CR1: variants seen among roughly 807,000 people sequenced by gnomAD.
The protein encoded by CR1 is complement receptor type 1.
A neutral mutation model predicts 187.3 loss-of-function variants in CR1; 116 were observed. The observed-to-expected ratio is 0.62, with a 90% CI of 0.53 to 0.72. The LOEUF (loss-of-function observed/expected upper bound fraction) is 0.72. Ranked by LOEUF, CR1 falls within the 30% of genes least tolerant of loss-of-function variation. The pLI, the probability that CR1 is intolerant of heterozygous loss-of-function variation, is 0.00. For synonymous variants in CR1, 576 were observed against 747.1 expected (o/e 0.77, Z 3.73); for missense variants, 1,731 against 2,110.7 (o/e 0.82, Z 3.52).
chr1:207,501,275 C>G (rs1423633229), intron 1 of CR1, among the ~76,000 whole-genome samples: 1 of 152,140 alleles, frequency 6.6e-6, no homozygotes, highest in Non-Finnish European at 1.5e-5. Context: ...TGAGGGAACT[C>G]TGTGTGGGTG....
rs755390826 is a variant in CR1, at chr1:207,580,491, T to C, written c.5114-20T>C. Reference sequence around the variant, plus strand: ...AGGTCTTACTCCTATTTTTTCTTTTTTTTTTTTTTCTTCTTCTAGTGAAAT... The same window carrying C: ...AGGTCTTACTCCTATTTTTTCTTTTCTTTTTTTTTCTTCTTCTAGTGAAAT... On this transcript the variant is annotated intron_variant, in intron 30 of 46. Coordinates refer to ENST00000367049, the MANE Select transcript of CR1 (RefSeq NM_000651.6). 1.9e-5 allele frequency: 31 copies of C among 1,590,632 alleles called. No homozygotes were observed. The highest frequency in any genetic ancestry group is 2.3e-5 in the South Asian group (2 of 85,482).
chr1:207,567,508 A>G (rs1452243608), intron 24 of CR1, among the ~76,000 whole-genome samples: 1 of 150,448 alleles, frequency 6.6e-6, no homozygotes, highest in Non-Finnish European at 1.5e-5. Flanking sequence ...CAATTAATAT[A>G]TATTGACTAA....
At chr1:207,511,492 A>G in intron 3 of CR1, 77 bp from the exon 4 acceptor site, 3 of 1,419,060 alleles carry the variant, frequency 2.1e-6, no homozygotes. Context: ...TAAGAGTGTA[A>G]TCTCTGGAAG....
At chr1:207,499,366 A>G (rs1411348117) in intron 1 of CR1, among the ~76,000 whole-genome samples, 3 of 152,246 alleles carry the variant, frequency 2.0e-5, no homozygotes, top group Admixed American at 6.5e-5. Context: ...GGCAAAACCC[A>G]TAGAACTGCA....
intron 2 of CR1, 143 bp downstream of exon 2, chr1:207,506,226 A>G (rs1659428350): frequency 2.0e-6 from 2 of 986,400 alleles, no homozygotes; most frequent in Admixed American, 5.8e-5. Context: ...CTTGTAGATC[A>G]TACCTTGTTA....
intron 46 of CR1, among the ~76,000 whole-genome samples, chr1:207,632,761 GTACT>G (rs2102416759): frequency 7.7e-6 from 1 of 130,482 alleles, no homozygotes; most frequent in African/African-American, 3.1e-5. Flanking sequence ...TCGCGCCACT[GTACT>G]CCAGCCTGGG....
At chr1:207,620,973 G>T (rs2102402831) in intron 43 of CR1, among the ~76,000 whole-genome samples, 1 of 152,192 alleles carries the variant, frequency 6.6e-6, no homozygotes, top group South Asian at 2.1e-4. Context: ...GAACAAAATT[G>T]ATATTAATAA....
chr1:207,610,826 G>A (rs1571592270), intron 37 of CR1, among the ~76,000 whole-genome samples: 1 of 151,946 alleles, frequency 6.6e-6, no homozygotes. Context: ...TACATAGTAG[G>A]TGTATATATT....
Position 207,592,475 on chromosome 1 carries a change from C to T in CR1, c.5810+3701C>T, listed in dbSNP as rs1661299766. ...TAATAGGAGCTATTTATAACAAACC[C>T]ACCACTAATATCATACTGAATGGGC... On this transcript the variant is annotated intron_variant, in intron 35 of 46. Coordinates refer to ENST00000367049, the MANE Select transcript of CR1 (RefSeq NM_000651.6). Among the ~76,000 whole-genome samples, 2 of 152,094 alleles carry T rather than the reference C, an allele frequency of 1.3e-5. 1 individual carries two copies. The highest frequency in any genetic ancestry group is 4.1e-4 in the South Asian group (2 of 4,820).
In CR1 at chr1:207,587,460, G is replaced by A. The variant is rs191896925; in HGVS notation, c.5605G>A (p.Gly1869Arg). The change falls in exon 34 of 47, where the codon GGG (glycine) becomes AGG (arginine). Residue 1869 changes from glycine to arginine, a missense_variant. Gly to Arg is a moderately radical substitution (Grantham distance 125, BLOSUM62 -2). Coordinates refer to ENST00000367049, the MANE Select transcript of CR1 (RefSeq NM_000651.6). ...AATTAATGACTTTGAGTTTCCAGTC[G>A]GGACATCTTTGAATTATGAATGCCG... is the stretch of plus-strand genomic sequence containing the variant. ...IPINDFEFPV[G>R]TSLNYECRPG... 414 of 1,613,874 alleles carry A rather than the reference G, an allele frequency of 2.6e-4. 2 individuals are homozygous for A. In the African/African-American group the frequency reaches 4.9e-3, roughly 19 times the overall value.
intron 23 of CR1, among the ~76,000 whole-genome samples, chr1:207,564,458 C>A (rs138099366): frequency 0.016 from 2,368 of 149,868 alleles, 218 homozygotes; most frequent in African/African-American, 0.058. Flanking sequence ...CTGGCAAGTT[C>A]AAAGGCAAGT....
At chr1:207,598,208 A>C (rs1285326499) in intron 35 of CR1, among the ~76,000 whole-genome samples, 1 of 152,220 alleles carries the variant, frequency 6.6e-6, no homozygotes, top group Non-Finnish European at 1.5e-5. Flanking sequence ...CCACTGAATT[A>C]TACCCTTAAA....
intron 39 of CR1, among the ~76,000 whole-genome samples, chr1:207,613,472 G>C (rs528567512): frequency 6.6e-6 from 1 of 152,254 alleles, no homozygotes; most frequent in South Asian, 2.1e-4. Flanking sequence ...AATGGGAAGA[G>C]AGGTTCTCAA....
At chr1:207,590,138 A>AC in intron 35 of CR1, among the ~76,000 whole-genome samples, 1 of 152,280 alleles carries the variant, frequency 6.6e-6, no homozygotes, top group African/African-American at 2.4e-5. Context: ...GAGAAGAGCA[A>AC]CCCCAAGACA....
intron 46 of CR1, among the ~76,000 whole-genome samples, chr1:207,636,494 C>T (rs1662817809): frequency 6.6e-6 from 1 of 152,108 alleles, no homozygotes; most frequent in Admixed American, 6.5e-5. Flanking sequence ...AAACGATGGT[C>T]TAAGTTCATA....
In CR1 at chr1:207,618,089, A is replaced by G. The variant is rs41274770; in HGVS notation, c.6908A>G (p.Lys2303Arg). The G allele has an allele frequency of 0.019, 31,202 of 1,613,430 alleles. 362 individuals are homozygous for G. Among genetic ancestry groups the G allele is most frequent in the Non-Finnish European group, 0.023 (27,271 of 1,179,604 alleles). Residue 2303 changes from lysine to arginine, a missense_variant, in exon 42 of 47, where the codon AAG becomes AGG. Physicochemically the swap from Lys to Arg is conservative, Grantham distance 26 (BLOSUM62 2). Around this residue, in one of 5 missense-constraint regions of CR1, gnomAD observed 1,312 missense variants for 1,379.6 expected, o/e 0.95. Transcript: ENST00000367049. ...TTCTTAGCCTGCCCACATCCACCCA[A>G]GATCCAAAACGGGCATTACATTGGA... ...SVPAACPHPP[K>R]IQNGHYIGGH...
chr1:207,619,772 C>A, intron 42 of CR1, 108 bp from the exon 43 acceptor site: 1 of 891,228 alleles, frequency 1.1e-6, no homozygotes, highest in South Asian at 1.6e-5. Context: ...AACATGCTTC[C>A]TCTTAGCCAA....
At chr1:207,622,948 A>G (rs1185660784) in intron 44 of CR1, 45 bp from the exon 45 acceptor site, 9 of 1,359,468 alleles carry the variant, frequency 6.6e-6, no homozygotes, top group Non-Finnish European at 9.2e-6. Flanking sequence ...TAAAACCTGT[A>G]AGTTATATTT....
rs1662969147 is a variant in CR1, at chr1:207,641,051, G to A, written c.*1642G>A. On this transcript the variant is annotated 3_prime_UTR_variant, in exon 47 of 47. Transcript: ENST00000367049. The stretch of plus-strand genomic sequence containing the variant: ...AACTTCTCTCCACCCAACAAAAATG[G>A]GCAAAGGACATACAGCTAGGTCACC... 2 of 152,010 alleles carry A rather than the reference G, an allele frequency of 1.3e-5. No homozygotes were observed. The highest frequency in any genetic ancestry group is 1.5e-5 in the Non-Finnish European group (1 of 67,998). 9.4% of individuals were successfully genotyped at this position (152,010 alleles called of 1,614,324 possible).
Sources: gnomAD v4.1 joint callset for allele counts (sites outside exome capture counted in the v4.1 genomes callset) on GRCh38, gnomAD v4.1.1 for gene constraint, gnomAD v4.1.1 regional missense constraint, MANE v1.5 for transcripts, NCBI Gene and HGNC (gene_info 2026-07-23, HGNC 2026-07-21) for gene names.